EPB41: variants seen among roughly 807,000 people sequenced by gnomAD.
EPB41 encodes erythrocyte membrane protein band 4.1, also known as protein 4.1.
A neutral mutation model predicts 108.0 loss-of-function variants in EPB41; 65 were observed. That is an observed-to-expected ratio of 0.60 (90% CI 0.49 to 0.74). EPB41 has a LOEUF of 0.74. Among genes scored for constraint, EPB41 ranks in the 30% least tolerant of loss-of-function variants. The pLI is 0.00. For missense variants in EPB41, 875 were observed against 1,037.0 expected, an observed-to-expected ratio of 0.84 and a Z score of 2.15; for synonymous variants, 336 against 358.9, an observed-to-expected ratio of 0.94 and a Z score of 0.72.
intron 1 of EPB41, chr1:28,902,193 T>A: frequency 2.0e-6 from 2 of 985,416 alleles, no homozygotes; most frequent in Non-Finnish European, 2.4e-6. Context: ...GTCATCATCC[T>A]TTCCATTTGT....
intron 1 of EPB41, among the ~76,000 whole-genome samples, chr1:28,888,963 C>T (rs2089794343): frequency 6.6e-6 from 1 of 152,124 alleles, no homozygotes; most frequent in African/African-American, 2.4e-5. Flanking sequence ...AAACTTTGCG[C>T]AAGGAGGTAG....
intron 7 of EPB41, among the ~76,000 whole-genome samples, chr1:29,026,571 G>T (rs144617549): frequency 6.0e-4 from 92 of 152,218 alleles, no homozygotes; most frequent in Non-Finnish European, 8.7e-4. Context: ...GAAAATAATT[G>T]ATATACTGCA....
At chr1:28,969,520 C>A (rs1303103489) in intron 1 of EPB41, among the ~76,000 whole-genome samples, 1 of 151,702 alleles carries the variant, frequency 6.6e-6, no homozygotes, top group Admixed American at 6.6e-5. Flanking sequence ...AATCCCAGCA[C>A]TTTAGGAGGC....
chr1:28,978,909 A>G (rs952323448), intron 1 of EPB41, among the ~76,000 whole-genome samples: 1 of 151,358 alleles, frequency 6.6e-6, no homozygotes, highest in Non-Finnish European at 1.5e-5. Flanking sequence ...GGACTGAGCT[A>G]TGCCACTGGC....
rs369527719 is a variant in EPB41 at position 28,997,250 on chromosome 1, A to G, written c.717A>G (p.Val239=). 1 of 1,614,178 alleles carries G rather than the reference A, an allele frequency of 6.2e-7. No homozygotes were observed. The highest frequency in any genetic ancestry group is 8.5e-7 in the Non-Finnish European group (1 of 1,179,984). ...AGGGACAAGATTTGCTTAAACGAGT[A>G]TGTGAGCATCTCAATCTTTTGGAAG... ...HAKGQDLLKR[V]CEHLNLLEED... The change falls in exon 4 of 21, where the codon GTA becomes GTG. Residue 239 remains valine (V), a synonymous_variant. Transcript: ENST00000343067.
chr1:28,892,830 A>C (rs1169446933), intron 1 of EPB41, among the ~76,000 whole-genome samples: 4 of 138,514 alleles, frequency 2.9e-5, no homozygotes, highest in Non-Finnish European at 6.1e-5. Context: ...TTGAGACAGA[A>C]TCTTACTCTG....
chr1:29,067,077 G>A (rs1302199774), intron 16 of EPB41, among the ~76,000 whole-genome samples: 1 of 151,526 alleles, frequency 6.6e-6, no homozygotes, highest in Non-Finnish European at 1.5e-5. Context: ...TTCACAGGCC[G>A]GGCTTGGTGG....
intron 1 of EPB41, among the ~76,000 whole-genome samples, chr1:28,955,774 C>T (rs2094926627): frequency 6.6e-6 from 1 of 152,080 alleles, no homozygotes; most frequent in African/African-American, 2.4e-5. Context: ...TCAGAGGAGA[C>T]TGGACAGTGA....
intron 12 of EPB41, chr1:29,053,936 C>A (rs1484776889): frequency 6.6e-6 from 1 of 152,598 alleles, no homozygotes; most frequent in African/African-American, 2.4e-5. Context: ...TAATTTTACT[C>A]ATCTAGAAGG....
chr1:28,931,685 C>T (rs1312575637), intron 1 of EPB41, among the ~76,000 whole-genome samples: 4 of 151,678 alleles, frequency 2.6e-5, no homozygotes, highest in East Asian at 1.9e-4. Flanking sequence ...CCCGCCACCA[C>T]GTCTGGCTGA....
chr1:28,949,614 T>A (rs1030201872), intron 1 of EPB41, among the ~76,000 whole-genome samples: 2 of 150,246 alleles, frequency 1.3e-5, no homozygotes, highest in African/African-American at 4.9e-5. Flanking sequence ...TTATTTTTAT[T>A]TTTTTTTTAG....
intron 8 of EPB41, among the ~76,000 whole-genome samples, chr1:29,032,708 G>A (rs965270167): frequency 6.6e-6 from 1 of 152,020 alleles, no homozygotes; most frequent in African/African-American, 2.4e-5. Context: ...TCTTGACTTA[G>A]GGATCATATT....
intron 17 of EPB41, among the ~76,000 whole-genome samples, chr1:29,108,642 C>T (rs1479483752): frequency 2.6e-5 from 4 of 151,620 alleles, no homozygotes; most frequent in Admixed American, 6.6e-5. Flanking sequence ...ACTGCAACTT[C>T]CACCTCCCAG....
chr1:29,096,317 T>C, intron 16 of EPB41: 2 of 985,786 alleles, frequency 2.0e-6, no homozygotes, highest in Non-Finnish European at 2.4e-6. Flanking sequence ...TGGCTCCCTC[T>C]CCATAAGCAG....
intron 10 of EPB41, among the ~76,000 whole-genome samples, chr1:29,036,760 C>T (rs1184107118): frequency 6.6e-6 from 1 of 150,580 alleles, no homozygotes; most frequent in East Asian, 2.0e-4. Flanking sequence ...ACTGCAAACT[C>T]CTACTCCTGG....
chr1:28,907,064 C>G (rs939740166), intron 1 of EPB41, among the ~76,000 whole-genome samples: 3 of 150,472 alleles, frequency 2.0e-5, no homozygotes, highest in African/African-American at 7.3e-5. Context: ...AGCCACCATG[C>G]CTGGCCTTTT....
chr1:28,995,897 A>G (rs1315127796), intron 3 of EPB41, among the ~76,000 whole-genome samples: 1 of 152,234 alleles, frequency 6.6e-6, no homozygotes, highest in African/African-American at 2.4e-5. Flanking sequence ...TTTGATATGG[A>G]TGAGTTAAGA....
At chr1:28,962,140 A>G (rs1036747334) in intron 1 of EPB41, among the ~76,000 whole-genome samples, 3 of 151,660 alleles carry the variant, frequency 2.0e-5, no homozygotes, top group Admixed American at 6.6e-5. Flanking sequence ...GGCTCACTAC[A>G]ACCTCCGCCT....
chr1:28,958,003 T>A (rs968228188), intron 1 of EPB41, among the ~76,000 whole-genome samples: 1 of 152,072 alleles, frequency 6.6e-6, no homozygotes, highest in Non-Finnish European at 1.5e-5. Context: ...TTTTTAGAAA[T>A]GGAGTCTTGC....
Sources: allele counts gnomAD v4.1 joint callset (sites outside exome capture counted in the v4.1 genomes callset), GRCh38; gene constraint gnomAD v4.1.1; transcripts MANE v1.5; gene names NCBI Gene and HGNC (gene_info 2026-07-23, HGNC 2026-07-21).